Variants in STK10 observed in about 807,000 individuals in gnomAD.
The protein encoded by STK10 is serine/threonine kinase 10, also known as serine/threonine-protein kinase 10.
STK10 carries 78 observed loss-of-function variants against 113.8 expected under a neutral mutation model. That is an observed-to-expected ratio of 0.69 (90% CI 0.57 to 0.83). The LOEUF is 0.83. STK10 is among the 40% of genes least tolerant of loss of function. STK10 has a pLI of 0.00. For missense variants in STK10, 1,109 were observed against 1,280.1 expected, an observed-to-expected ratio of 0.87 and a Z score of 2.04; for synonymous variants, 465 against 494.7, an observed-to-expected ratio of 0.94 and a Z score of 0.80.
At position 172,061,264 on chromosome 5, in the gene STK10, C is replaced by T. The variant is rs761156341; in HGVS notation, c.2087G>A (p.Arg696Gln). The change falls in exon 14 of 19, where the codon CGG becomes CAG. Residue 696 changes from arginine (R) to glutamine (Q), a missense_variant. By Grantham distance (43) the Arg-to-Gln change is conservative. Transcript: ENST00000176763. ...EHTQKKQLLD[R>Q]DFVAKQKEDL... ...CTCCTTCTGCTTGGCTACAAAGTCC[C>T]GGTCCTGTGGGGAGAGAGGAGGACA... 9.9e-5 allele frequency: 159 copies of T among 1,611,728 alleles called. No individual in the cohort carries two copies. Among genetic ancestry groups the T allele is most frequent in the Non-Finnish European group, 1.2e-4 (143 of 1,179,588 alleles).
intron 1 of STK10, among the ~76,000 whole-genome samples, chr5:172,164,965 T>G (rs930500804): frequency 6.6e-6 from 1 of 152,204 alleles, no homozygotes; most frequent in South Asian, 2.1e-4. Flanking sequence ...TGGCCACTTG[T>G]GTTTTCTGGC....
At chr5:172,107,461 G>A (rs1156318567) in intron 5 of STK10, among the ~76,000 whole-genome samples, 4 of 152,170 alleles carry the variant, frequency 2.6e-5, no homozygotes, top group Non-Finnish European at 4.4e-5. Context: ...CAATACATAC[G>A]TGGCGAATAA....
At chr5:172,057,813 T>C (rs981821513) in intron 14 of STK10, among the ~76,000 whole-genome samples, 3 of 152,188 alleles carry the variant, frequency 2.0e-5, no homozygotes, top group Non-Finnish European at 4.4e-5. Context: ...CTGCCATGTC[T>C]GCCAGATGGA....
intron 12 of STK10, among the ~76,000 whole-genome samples, chr5:172,073,041 T>C (rs1581141264): frequency 6.6e-6 from 1 of 152,242 alleles, no homozygotes; most frequent in African/African-American, 2.4e-5. Flanking sequence ...GGTGCAATTA[T>C]GGCTCACTTG....
rs10155597 is a variant in STK10 at position 172,054,602 on chromosome 5, A to G, written c.2619T>C (p.Cys873=). The change falls in exon 17 of 19, where the codon TGT becomes TGC. Residue 873 remains cysteine (C), a synonymous_variant. Coordinates refer to ENST00000176763, the MANE Select transcript of STK10 (RefSeq NM_005990.4). ...ENQMRDMLAQ[C]ESNMSELQQL... Reference sequence around the variant, plus strand: ...GCTGCAGCTCGCTCATGTTGCTCTCACACTGCGCCAGCATGTCCCGCATCT... The same window carrying G: ...GCTGCAGCTCGCTCATGTTGCTCTCGCACTGCGCCAGCATGTCCCGCATCT... 0.41 allele frequency: 662,801 copies of G among 1,609,052 alleles called. 138,667 individuals carry two copies. The highest frequency in any genetic ancestry group is 0.47 in the African/African-American group (35,390 of 74,942).
intron 1 of STK10, 25 bp from the exon 2 acceptor site, chr5:172,156,813 C>A: frequency 6.2e-7 from 1 of 1,600,272 alleles, no homozygotes; most frequent in South Asian, 1.1e-5. Flanking sequence ...TACAGGAGGT[C>A]AACAAGGCAT....
chr5:172,090,280 T>C lies in STK10; in HGVS notation c.1637A>G (p.Lys546Arg). 6.2e-7 allele frequency: 1 copy of C among 1,614,144 alleles called. No individual in the cohort carries two copies. The highest frequency in any genetic ancestry group is 8.5e-7 in the Non-Finnish European group (1 of 1,180,012). Residue 546 changes from lysine (K) to arginine (R), a missense_variant, in exon 10 of 19, where the codon AAG becomes AGG. Physicochemically the swap from Lys to Arg is conservative, Grantham distance 26. Transcript: ENST00000176763. The part of the protein sequence containing the change: ...DGVEVSITTS[K>R]IISEDEKKDE... Reference sequence around the variant, plus strand: ...CTTCTTCTCATCTTCGCTGATGATCTTGGAGGTGGTGATGCTCACCTCCAC... The same window carrying C: ...CTTCTTCTCATCTTCGCTGATGATCCTGGAGGTGGTGATGCTCACCTCCAC...
At position 172,083,071 on chromosome 5, in the gene STK10, G is replaced by A. The variant is rs373978068; in HGVS notation, c.1699C>T (p.Arg567Ter). The A allele has an allele frequency of 3.1e-5, 50 of 1,613,992 alleles. No individual in the cohort carries two copies. Among genetic ancestry groups the A allele is most frequent in the Non-Finnish European group, 4.2e-5 (49 of 1,180,018 alleles). Residue 567 changes from arginine to a stop codon, truncating the protein, a stop_gained, in exon 11 of 19, where the codon CGA (arginine) becomes TGA (stop). Transcript: ENST00000176763. LOFTEE classifies it high-confidence loss of function. ...TCTTTCTGGAGCAGCCGAAGCTCTC[G>A]GAGTTCCTGGCGCCTGAAAGGTTAA... ...EMRFLRRQEL[R>*]ELRLLQKEEH...
Position 172,082,451 on chromosome 5 carries a change from G to A in STK10, c.1864C>T (p.Gln622Ter), listed in dbSNP as rs1416345903. 1 of 1,610,742 alleles carries A rather than the reference G, an allele frequency of 6.2e-7. No homozygotes were observed. Among genetic ancestry groups the A allele is most frequent in the Non-Finnish European group, 8.5e-7 (1 of 1,178,614 alleles). Residue 622 changes from glutamine (Q) to a stop codon, truncating the protein, a stop_gained, in exon 12 of 19, where the codon CAG (glutamine) becomes TAG (stop). Coordinates refer to ENST00000176763, the MANE Select transcript of STK10 (RefSeq NM_005990.4). LOFTEE classifies it high-confidence loss of function. The surrounding 1 kb of genome is among the most constrained non-coding windows in gnomAD (Gnocchi z 4.3). ...ELENLERQQK[Q>*]QVEKMEQDHA... ...TCTTGCTCCATCTTCTCCACTTGCT[G>A]CTTTTGCTGACGCTCCAGGTTCTCT... is the stretch of plus-strand genomic sequence containing the variant.
rs746659661 is a variant in STK10 at position 172,082,491 on chromosome 5, G to T, written c.1824C>A (p.Phe608Leu). The change falls in exon 12 of 19, where the codon TTC (phenylalanine) becomes TTA (leucine). Residue 608 changes from phenylalanine (F) to leucine (L), a missense_variant. Physicochemically the swap from Phe to Leu is conservative, Grantham distance 22. Around this residue, in one of 5 missense-constraint regions of STK10, gnomAD observed 885 missense variants for 991.1 expected, o/e 0.89. Transcript: ENST00000176763. The surrounding 1 kb of genome is among the most constrained non-coding windows in gnomAD (Gnocchi z 4.3). ...FEQEINAKKK[F>L]FDTELENLER... The stretch of plus-strand genomic sequence containing the variant: ...CCAGGTTCTCTAATTCCGTGTCAAA[G>T]AACTTCTTCTTGGCCTGAAAGGAGC... 3 of 1,589,832 alleles carry T rather than the reference G, an allele frequency of 1.9e-6. No homozygotes were observed. The highest frequency in any genetic ancestry group is 2.3e-5 in the East Asian group (1 of 44,252).
intron 1 of STK10, among the ~76,000 whole-genome samples, chr5:172,164,006 GTT>G (rs948945455): frequency 4.1e-4 from 63 of 152,190 alleles, no homozygotes; most frequent in Non-Finnish European, 8.8e-4. Flanking sequence ...GAGGTCAGGA[GTT>G]TGAGACCAGC....
chr5:172,105,406 G>C (rs1769077166), intron 7 of STK10, among the ~76,000 whole-genome samples: 1 of 152,002 alleles, frequency 6.6e-6, no homozygotes, highest in Admixed American at 6.6e-5. Context: ...ACACATACTT[G>C]CTTATTTGCC....
intron 1 of STK10, among the ~76,000 whole-genome samples, chr5:172,157,801 G>A (rs1304472153): frequency 6.6e-6 from 1 of 151,964 alleles, no homozygotes; most frequent in African/African-American, 2.4e-5. Flanking sequence ...ACATTGGCTG[G>A]GCTGGTCTCG....
intron 4 of STK10, among the ~76,000 whole-genome samples, chr5:172,108,757 C>T (rs114073993): frequency 0.016 from 2,385 of 151,904 alleles, 67 homozygotes; most frequent in African/African-American, 0.053. Context: ...TGCACTCCAA[C>T]CTGGGCGGTA....
intron 1 of STK10, among the ~76,000 whole-genome samples, chr5:172,163,297 G>A (rs59964150): frequency 0.18 from 26,821 of 152,108 alleles, 2,447 homozygotes; most frequent in East Asian, 0.26. Context: ...GTCACACAGC[G>A]AGTGGGGGTG....
chr5:172,135,872 C>A (rs1387265979), intron 2 of STK10, among the ~76,000 whole-genome samples: 1 of 151,826 alleles, frequency 6.6e-6, no homozygotes, highest in Admixed American at 6.6e-5. Context: ...ACTAAAAATA[C>A]AAAAATTTGC....
intron 1 of STK10, among the ~76,000 whole-genome samples, chr5:172,162,222 T>C (rs1050791095): frequency 6.6e-6 from 1 of 151,936 alleles, no homozygotes; most frequent in Admixed American, 6.6e-5. Flanking sequence ...GTGCCTGTAA[T>C]CCCAGCTACT....
intron 1 of STK10, among the ~76,000 whole-genome samples, chr5:172,184,558 C>T (rs1770918463): frequency 6.6e-6 from 1 of 152,068 alleles, no homozygotes; most frequent in Non-Finnish European, 1.5e-5. Context: ...TCTGGCTCAC[C>T]CTTAATTAAG....
intron 1 of STK10, among the ~76,000 whole-genome samples, chr5:172,178,687 C>T (rs954268814): frequency 5.3e-5 from 8 of 152,180 alleles, no homozygotes; most frequent in South Asian, 2.1e-4. Flanking sequence ...ATGGCACAGC[C>T]GGGATGCAAA....
Sources: gnomAD v4.1 joint callset for allele counts (sites outside exome capture counted in the v4.1 genomes callset) on GRCh38, gnomAD v4.1.1 for gene constraint, gnomAD v4.1.1 regional missense constraint, Gnocchi (gnomAD v3.1) non-coding constraint, MANE v1.5 for transcripts, NCBI Gene and HGNC (gene_info 2026-07-23, HGNC 2026-07-21) for gene names.